ANKRD44: variants seen among roughly 807,000 people sequenced by gnomAD.
ANKRD44 encodes ankyrin repeat domain 44.
In ANKRD44, 35 loss-of-function variants were observed where a neutral mutation model predicts 116.0. The ratio of observed to expected loss-of-function variants is 0.30; its 90% CI spans 0.23 to 0.40. The LOEUF (loss-of-function observed/expected upper bound fraction) is 0.40, where lower values mean the gene tolerates loss of function less well. ANKRD44 is among the 10% of genes least tolerant of loss of function. The pLI, the probability that ANKRD44 is intolerant of heterozygous loss-of-function variation, is 1.00. For missense variants in ANKRD44, 1,014 were observed against 1,242.6 expected (o/e 0.82, Z 2.77); for synonymous variants, 435 against 461.8 (o/e 0.94, Z 0.74).
intron 16 of ANKRD44, among the ~76,000 whole-genome samples, chr2:197,076,633 T>C (rs1221940391): frequency 6.6e-6 from 1 of 152,012 alleles, no homozygotes; most frequent in Non-Finnish European, 1.5e-5. Flanking sequence ...ATAGTTATTT[T>C]TTCTTATTTT....
At chr2:197,251,357 G>A (rs1008539676) in intron 1 of ANKRD44, among the ~76,000 whole-genome samples, 4 of 151,820 alleles carry the variant, frequency 2.6e-5, no homozygotes, top group African/African-American at 9.7e-5. Flanking sequence ...TTTTCCTTTA[G>A]AATAAATTCC....
At chr2:197,018,462 T>C (rs78325582) in intron 17 of ANKRD44, among the ~76,000 whole-genome samples, 2,585 of 152,282 alleles carry the variant, frequency 0.017, 34 homozygotes, top group Non-Finnish European at 0.025. Context: ...CCAGTAATTC[T>C]GCTCAAATAT....
intron 8 of ANKRD44, among the ~76,000 whole-genome samples, chr2:197,111,579 CA>C (rs2078566864): frequency 6.6e-6 from 1 of 150,776 alleles, no homozygotes. Context: ...GCGGAGGTTG[CA>C]GTGAGCCAAG....
rs367694855 is a variant in ANKRD44 at position 197,086,769 on chromosome 2, T to A, written c.1248-21A>T. The A allele has an allele frequency of 8.1e-6, 13 of 1,610,466 alleles. No homozygotes were observed. The African/African-American group carries it at 1.5e-4, about 18-fold the overall frequency. On this transcript the variant is annotated intron_variant, in intron 12 of 27. Coordinates refer to ENST00000282272, the MANE Select transcript of ANKRD44 (RefSeq NM_001195144.2). ...CATTACTAGAAAGACAGGGAAAACA[T>A]CATTAAGATGGAAGAGATCAATTAC... is the stretch of plus-strand genomic sequence containing the variant.
chr2:197,284,503 A>AACACACACACACACACACAC (rs10547024), intron 1 of ANKRD44, among the ~76,000 whole-genome samples: 3 of 137,784 alleles, frequency 2.2e-5, no homozygotes, highest in African/African-American at 7.7e-5. Flanking sequence ...CAGAGAGTCA[A>AACACACACACACACACACAC]ACACACACAC....
chr2:197,310,701 A>C lies in ANKRD44; in HGVS notation c.-97T>G. The C allele has an allele frequency of 8.2e-7, 1 of 1,215,938 alleles. No homozygotes were observed. The allele number at this position is 1,215,938 out of a possible 1,614,324, so 75.3% of individuals were successfully genotyped here. On this transcript the variant is annotated 5_prime_UTR_variant, in exon 1 of 28. Coordinates refer to ENST00000282272, the MANE Select transcript of ANKRD44 (RefSeq NM_001195144.2). Reference sequence around the variant, plus strand: ...CGGAAGGGATTGCCAGGAGAAGGGAAAAAATCTGGCTCCCGAATTTGACAG... The same window carrying C: ...CGGAAGGGATTGCCAGGAGAAGGGACAAAATCTGGCTCCCGAATTTGACAG...
At chr2:197,127,026 T>C (rs1442959195) in intron 4 of ANKRD44, among the ~76,000 whole-genome samples, 1 of 152,076 alleles carries the variant, frequency 6.6e-6, no homozygotes, top group Non-Finnish European at 1.5e-5. Context: ...ATTATGGAAT[T>C]AAATTCACAG....
chr2:197,200,249 C>T (rs891329547), intron 1 of ANKRD44, among the ~76,000 whole-genome samples: 1 of 152,072 alleles, frequency 6.6e-6, no homozygotes, highest in Non-Finnish European at 1.5e-5. Flanking sequence ...ATTCTAGGAG[C>T]CTTCTTGATT....
intron 16 of ANKRD44, among the ~76,000 whole-genome samples, chr2:197,051,467 C>G (rs1416604340): frequency 1.3e-5 from 2 of 152,156 alleles, no homozygotes; most frequent in Non-Finnish European, 2.9e-5. Flanking sequence ...AATCATAGCT[C>G]ACTGCACTCT....
At chr2:197,092,703 A>G (rs2078069670) in intron 10 of ANKRD44, among the ~76,000 whole-genome samples, 1 of 152,192 alleles carries the variant, frequency 6.6e-6, no homozygotes, top group Non-Finnish European at 1.5e-5. Context: ...TGCCTCGCTC[A>G]TCATTTACCA....
Position 197,078,717 on chromosome 2 carries a change from G to T in ANKRD44, c.1636C>A (p.Gln546Lys). Residue 546 changes from glutamine to lysine, a missense_variant, in exon 16 of 28, where the codon CAG (glutamine) becomes AAG (lysine). Coordinates refer to ENST00000282272, the MANE Select transcript of ANKRD44 (RefSeq NM_001195144.2). ...IHYAAAYGHR[Q>K]CLELLLERTN... The stretch of plus-strand genomic sequence containing the variant: ...AAACAACTCACCAATTCCAGACACT[G>T]CCTGTGCCCATAGGCGGCAGCATAA... The T allele has an allele frequency of 1.2e-6, 2 of 1,611,272 alleles. No homozygotes were observed. Among genetic ancestry groups the T allele is most frequent in the East Asian group, 2.2e-5 (1 of 44,736 alleles).
chr2:196,975,739 G>A (rs1433981423), intron 21 of ANKRD44, among the ~76,000 whole-genome samples: 1 of 148,816 alleles, frequency 6.7e-6, no homozygotes, highest in African/African-American at 2.5e-5. Flanking sequence ...AGGGAGCCGA[G>A]ATTGTGCAAC....
At chr2:197,145,196 C>G (rs1352633560) in intron 3 of ANKRD44, among the ~76,000 whole-genome samples, 1 of 152,104 alleles carries the variant, frequency 6.6e-6, no homozygotes, top group Non-Finnish European at 1.5e-5. Context: ...AAGGCTGAGG[C>G]AGAAGAATCG....
At chr2:197,000,537 A>C in intron 22 of ANKRD44, 35 bp from the exon 23 acceptor site, 79 of 1,529,576 alleles carry the variant, frequency 5.2e-5, no homozygotes, top group Non-Finnish European at 6.3e-5. Flanking sequence ...TAACAATCTC[A>C]CTCTTTTAAA....
At chr2:197,186,242 T>G (rs2080655356) in intron 2 of ANKRD44, among the ~76,000 whole-genome samples, 2 of 152,206 alleles carry the variant, frequency 1.3e-5, no homozygotes, top group Admixed American at 1.3e-4. Context: ...ATTGCACCTC[T>G]ATTATCACTG....
intron 27 of ANKRD44, chr2:196,989,904 T>A: frequency 8.5e-7 from 1 of 1,171,460 alleles, no homozygotes. Flanking sequence ...TAACAAAGGG[T>A]AGTTTCATAC....
rs1423361283 is a variant in ANKRD44 at position 197,203,356 on chromosome 2, T to C, written c.28-16250A>G. Reference sequence around the variant, plus strand: ...CATCAGTCTTTAGAGAATATAAATCTCTAAGAACTACTTCACCATTTCTGG... The same window carrying C: ...CATCAGTCTTTAGAGAATATAAATCCCTAAGAACTACTTCACCATTTCTGG... On this transcript the variant is annotated intron_variant, in intron 1 of 27. Coordinates refer to ENST00000282272, the MANE Select transcript of ANKRD44 (RefSeq NM_001195144.2). This position sits in a 1 kb window ranked among gnomAD's most constrained non-coding sequence, Gnocchi z 4.1. Among the ~76,000 whole-genome samples the C allele has an allele frequency of 6.6e-6, 1 of 152,100 alleles. No individual in the cohort carries two copies. The highest frequency in any genetic ancestry group is 1.5e-5 in the Non-Finnish European group (1 of 68,020).
In ANKRD44 at chr2:196,987,950, T is replaced by G; in HGVS notation, c.*1641A>C. ...GTCATTTCTTTAAAAAAATTTTGCC[T>G]TGGGGTATGGGAGAAAGAGAAAGAG... On this transcript the variant is annotated 3_prime_UTR_variant, in exon 28 of 28. Transcript: ENST00000282272. 1.0e-6 allele frequency: 1 copy of G among 985,214 alleles called. No individual in the cohort carries two copies. Among genetic ancestry groups the G allele is most frequent in the Non-Finnish European group, 1.2e-6 (1 of 829,844 alleles). The allele number at this position is 985,214 out of a possible 1,614,324, so 61.0% of individuals were successfully genotyped here. A position where few individuals can be genotyped will look rare whatever the true frequency, so the allele number is the denominator to read the frequency against.
At chr2:197,190,384 G>A (rs183163828) in intron 1 of ANKRD44, among the ~76,000 whole-genome samples, 4 of 152,304 alleles carry the variant, frequency 2.6e-5, no homozygotes, top group Non-Finnish European at 5.9e-5. Context: ...AGCATCATGG[G>A]ATTTCAAACT....
Sources: allele counts gnomAD v4.1 joint callset (sites outside exome capture counted in the v4.1 genomes callset), GRCh38; gene constraint gnomAD v4.1.1; non-coding constraint Gnocchi (gnomAD v3.1); transcripts MANE v1.5; gene names NCBI Gene and HGNC (gene_info 2026-07-23, HGNC 2026-07-21).